CPS1: variants seen among roughly 807,000 people sequenced by gnomAD.
CPS1 encodes carbamoyl-phosphate synthase 1, also known as carbamoyl-phosphate synthase [ammonia], mitochondrial.
CPS1 carries 109 observed loss-of-function variants against 174.6 expected under a neutral mutation model. That is an observed-to-expected ratio of 0.62 (90% CI 0.53 to 0.73). The LOEUF is 0.73. Ranked by LOEUF, CPS1 falls within the 30% of genes least tolerant of loss-of-function variation. CPS1 has a pLI of 0.00. For synonymous variants in CPS1, 637 were observed against 632.0 expected (o/e 1.01, Z -0.12); for missense variants, 1,689 against 1,821.9 (o/e 0.93, Z 1.33).
At chr2:210,671,542 T>A (rs1226378650) in intron 34 of CPS1, 1 of 152,210 alleles carries the variant, frequency 6.6e-6, no homozygotes, top group Non-Finnish European at 1.5e-5. Flanking sequence ...CTTTTCACCT[T>A]TCGTAACAAA....
chr2:210,511,902 ACAT>A (rs1183829392), intron 1 of CPS1, among the ~76,000 whole-genome samples: 1 of 152,088 alleles, frequency 6.6e-6, no homozygotes, highest in African/African-American at 2.4e-5. Flanking sequence ...ATTCACATCA[ACAT>A]CATTCTCTAG....
intron 6 of CPS1, among the ~76,000 whole-genome samples, chr2:210,584,108 G>T (rs914641824): frequency 6.6e-6 from 1 of 152,018 alleles, no homozygotes; most frequent in South Asian, 2.1e-4. Flanking sequence ...TTTTTGATCC[G>T]CTTTGAAACT....
chr2:210,595,470 T>C lies in CPS1; in HGVS notation c.1264-17T>C, dbSNP rs750305108. ...ATTTTAGCAGTAATAACAGTGTCTT[T>C]TTCTTATTGCTTATAGGTTTCCAAA... On this transcript the variant is annotated splice_polypyrimidine_tract_variant and intron_variant, in intron 12 of 37. Coordinates refer to ENST00000233072, the MANE Select transcript of CPS1 (RefSeq NM_001875.5). 6.4e-7 allele frequency: 1 copy of C among 1,566,914 alleles called. No individual in the cohort carries two copies. Among genetic ancestry groups the C allele is most frequent in the African/African-American group, 1.4e-5 (1 of 73,774 alleles).
chr2:210,524,019 T>C (rs943108495), intron 1 of CPS1, among the ~76,000 whole-genome samples: 1 of 152,014 alleles, frequency 6.6e-6, no homozygotes, highest in African/African-American at 2.4e-5. Flanking sequence ...AAAGTTTTGG[T>C]ATACCATATT....
intron 1 of CPS1, among the ~76,000 whole-genome samples, chr2:210,551,573 T>A (rs1696731878): frequency 6.8e-6 from 1 of 148,100 alleles, no homozygotes. Context: ...AATGATAGCT[T>A]TTTTTTTGTT....
At chr2:210,635,594 A>G (rs1163762139) in intron 21 of CPS1, among the ~76,000 whole-genome samples, 2 of 152,206 alleles carry the variant, frequency 1.3e-5, no homozygotes, top group Non-Finnish European at 2.9e-5. Context: ...TTCAATTTAA[A>G]TAACCACATG....
upstream of CPS1, among the ~76,000 whole-genome samples, chr2:210,554,903 G>C (rs901541351): frequency 1.3e-5 from 2 of 151,092 alleles, no homozygotes; most frequent in African/African-American, 4.9e-5. Flanking sequence ...GCGTAAACTA[G>C]TATTGGACTA....
chr2:210,629,581 C>T (rs563907162), intron 21 of CPS1, among the ~76,000 whole-genome samples: 17 of 151,776 alleles, frequency 1.1e-4, no homozygotes, highest in Middle Eastern at 3.4e-3. Flanking sequence ...TCTCAAAGTG[C>T]TGGGATTACA....
At chr2:210,495,718 A>G (rs1694976194) in intron 1 of CPS1, among the ~76,000 whole-genome samples, 1 of 152,196 alleles carries the variant, frequency 6.6e-6, no homozygotes, top group South Asian at 2.1e-4. Flanking sequence ...CTGTTTCCAA[A>G]TTAGGTGTAA....
chr2:210,513,468 G>T (rs1431359891), intron 1 of CPS1, among the ~76,000 whole-genome samples: 1 of 151,460 alleles, frequency 6.6e-6, no homozygotes, highest in Non-Finnish European at 1.5e-5. Context: ...CATATGAGAA[G>T]ACATACGTTG....
chr2:210,616,240 T>C (rs1699299722), intron 20 of CPS1, among the ~76,000 whole-genome samples, 183 bp from the exon 21 acceptor site: 1 of 151,988 alleles, frequency 6.6e-6, no homozygotes, highest in Non-Finnish European at 1.5e-5. Flanking sequence ...GTGGATATAG[T>C]TGGCACCATC....
At chr2:210,501,786 A>C (rs1322913580) in intron 1 of CPS1, among the ~76,000 whole-genome samples, 1 of 152,102 alleles carries the variant, frequency 6.6e-6, no homozygotes, top group African/African-American at 2.4e-5. Context: ...TGAGCCCTCC[A>C]AACTGTTCCA....
At chr2:210,665,638 C>T (rs577359928) in intron 33 of CPS1, among the ~76,000 whole-genome samples, 1 of 151,920 alleles carries the variant, frequency 6.6e-6, no homozygotes, top group South Asian at 2.1e-4. Context: ...ATCCATGTCC[C>T]TACAAAGGAC....
At chr2:210,525,261 A>G (rs1430844631) in intron 1 of CPS1, among the ~76,000 whole-genome samples, 2 of 151,836 alleles carry the variant, frequency 1.3e-5, no homozygotes, top group Non-Finnish European at 1.5e-5. Flanking sequence ...TTTCTCTGAA[A>G]CTTTGTACTT....
At chr2:210,650,120 T>C (rs1198411715) in intron 27 of CPS1, among the ~76,000 whole-genome samples, 1 of 152,182 alleles carries the variant, frequency 6.6e-6, no homozygotes, top group African/African-American at 2.4e-5. Flanking sequence ...CAGGATTCCC[T>C]TTGGGAATTA....
chr2:210,565,871 G>T (rs1035668085), intron 1 of CPS1, among the ~76,000 whole-genome samples: 2 of 152,186 alleles, frequency 1.3e-5, no homozygotes, highest in African/African-American at 4.8e-5. Flanking sequence ...CATGACTTAG[G>T]TTCTCTGTAA....
At chr2:210,578,406 G>A (rs778517962) in intron 4 of CPS1, among the ~76,000 whole-genome samples, 2 of 152,052 alleles carry the variant, frequency 1.3e-5, no homozygotes, top group African/African-American at 2.4e-5. Context: ...GAGCCACCGC[G>A]CCCAGCCATA....
At chr2:210,645,605 G>A (rs186899938) in intron 25 of CPS1, among the ~76,000 whole-genome samples, 32 of 152,136 alleles carry the variant, frequency 2.1e-4, no homozygotes, top group Non-Finnish European at 4.1e-4. Flanking sequence ...GACCAGCCTG[G>A]ACCCCATCTC....
chr2:210,579,570 A>T (rs1219695836), intron 4 of CPS1, 144 bp from the exon 5 acceptor site: 2 of 704,774 alleles, frequency 2.8e-6, no homozygotes, highest in Non-Finnish European at 5.1e-6. Flanking sequence ...CTGACAATAC[A>T]GTCACCCTGG....
Sources: gnomAD v4.1 joint callset for allele counts (sites outside exome capture counted in the v4.1 genomes callset) on GRCh38, gnomAD v4.1.1 for gene constraint, MANE v1.5 for transcripts, NCBI Gene and HGNC (gene_info 2026-07-23, HGNC 2026-07-21) for gene names.